Variants in HAT1 observed in about 807,000 individuals in gnomAD.
HAT1 encodes histone acetyltransferase 1.
In HAT1, 20 loss-of-function variants were observed where a neutral mutation model predicts 56.6. The ratio of observed to expected loss-of-function variants is 0.35; its 90% confidence interval spans 0.25 to 0.51. The LOEUF (loss-of-function observed/expected upper bound fraction) is 0.51, where lower values mean the gene tolerates loss of function less well. Among genes scored for constraint, HAT1 ranks in the 20% least tolerant of loss-of-function variants. The pLI is 0.95. For synonymous variants in HAT1, 146 were observed against 165.5 expected, an observed-to-expected ratio of 0.88 and a Z score of 0.91; for missense variants, 408 against 504.3, an observed-to-expected ratio of 0.81 and a Z score of 1.83.
intron 2 of HAT1, among the ~76,000 whole-genome samples, chr2:171,942,124 T>G (rs1361181782): frequency 6.6e-6 from 1 of 152,168 alleles, no homozygotes; most frequent in Non-Finnish European, 1.5e-5. Context: ...AGGCTGGTCT[T>G]GAACTCCTGA....
At chr2:171,929,653 G>A (rs560042765) in intron 2 of HAT1, among the ~76,000 whole-genome samples, 1 of 152,276 alleles carries the variant, frequency 6.6e-6, no homozygotes, top group Non-Finnish European at 1.5e-5. Context: ...TGTCCAATAT[G>A]AGGAAAGGGA....
chr2:171,977,772 CT>C (rs1176270521), intron 9 of HAT1, among the ~76,000 whole-genome samples: 1 of 151,264 alleles, frequency 6.6e-6, no homozygotes, highest in East Asian at 2.0e-4. Flanking sequence ...CTTCTTCCTT[CT>C]GTATTCCTTT....
At chr2:171,925,800 G>A (rs182259075) in intron 2 of HAT1, among the ~76,000 whole-genome samples, 159 bp downstream of exon 2, 78 of 152,270 alleles carry the variant, frequency 5.1e-4, no homozygotes, top group African/African-American at 1.8e-3. Context: ...ATTCAGTTTT[G>A]ATTTATGTCA....
At chr2:171,930,416 C>T (rs921991315) in intron 2 of HAT1, among the ~76,000 whole-genome samples, 8 of 152,112 alleles carry the variant, frequency 5.3e-5, no homozygotes, top group African/African-American at 1.7e-4. Flanking sequence ...GTGATCTGCC[C>T]ACCTAGGCCT....
At chr2:171,979,126 C>T in intron 9 of HAT1, 121 bp from the exon 10 acceptor site, 1 of 636,736 alleles carries the variant, frequency 1.6e-6, no homozygotes, top group East Asian at 2.6e-5. Flanking sequence ...TATTGCCTTT[C>T]CTCTGGTTTC....
chr2:171,939,916 C>T (rs1686977850), intron 2 of HAT1, among the ~76,000 whole-genome samples: 1 of 151,978 alleles, frequency 6.6e-6, no homozygotes, highest in African/African-American at 2.4e-5. Flanking sequence ...GGACTACAGG[C>T]ACATGCCACC....
At chr2:171,940,017 A>G (rs559294217) in intron 2 of HAT1, among the ~76,000 whole-genome samples, 9 of 151,860 alleles carry the variant, frequency 5.9e-5, no homozygotes, top group Admixed American at 1.3e-4. Flanking sequence ...CGATCCTCCC[A>G]CCTCAGCCTC....
chr2:171,970,496 C>CTTTTTTTTTTTTTTTTTTTTTT (rs61462189), intron 8 of HAT1, among the ~76,000 whole-genome samples: 2 of 74,978 alleles, frequency 2.7e-5, no homozygotes, highest in Non-Finnish European at 4.4e-5. Flanking sequence ...AATGCAGTTT[C>CTTTTTTTTTTTTTTTTTTTTTT]TTTTTTTTTT....
At chr2:171,976,112 T>C (rs1687958515) in intron 8 of HAT1, 45 bp from the exon 9 acceptor site, 4 of 1,072,488 alleles carry the variant, frequency 3.7e-6, no homozygotes, top group Middle Eastern at 2.2e-4. Context: ...GAAATTATAT[T>C]GAGTATCAGG....
At chr2:171,944,685 A>G (rs1180429988) in intron 2 of HAT1, among the ~76,000 whole-genome samples, 1 of 152,232 alleles carries the variant, frequency 6.6e-6, no homozygotes, top group Admixed American at 6.5e-5. Context: ...CAGGAGGCAC[A>G]TAATGTTGTT....
intron 4 of HAT1, among the ~76,000 whole-genome samples, chr2:171,955,474 G>A (rs565827232): frequency 6.6e-6 from 1 of 151,944 alleles, no homozygotes; most frequent in South Asian, 2.1e-4. Flanking sequence ...AGCCGGGCGT[G>A]GTGGCAGGCA....
At chr2:171,978,368 C>CTGTA (rs1688042782) in intron 9 of HAT1, among the ~76,000 whole-genome samples, 1 of 152,196 alleles carries the variant, frequency 6.6e-6, no homozygotes, top group Non-Finnish European at 1.5e-5. Flanking sequence ...TTAACTGTCA[C>CTGTA]TGTACTAGCA....
intron 8 of HAT1, among the ~76,000 whole-genome samples, chr2:171,974,196 A>AAAAAAAAAAAAAAAAAAAAAAAAAACAAC (rs1687900192): frequency 1.2e-5 from 1 of 81,260 alleles, no homozygotes; most frequent in Non-Finnish European, 3.0e-5. Flanking sequence ...AAAAAAAGAA[A>AAAAAAAAAAAAAAAAAAAAAAAAAACAAC]AAAAGAAAAA....
intron 9 of HAT1, among the ~76,000 whole-genome samples, chr2:171,977,557 ATT>A (rs1172067451): frequency 0.018 from 292 of 16,022 alleles, 4 homozygotes; most frequent in African/African-American, 0.038. Flanking sequence ...ATATATATAT[ATT>A]TTTTTTTTTT....
At chr2:171,947,237 GAA>G (rs1175498746) in intron 3 of HAT1, among the ~76,000 whole-genome samples, 2 of 152,028 alleles carry the variant, frequency 1.3e-5, no homozygotes, top group Non-Finnish European at 2.9e-5. Flanking sequence ...GCAGTTGAGA[GAA>G]GTTTATTTAT....
chr2:171,983,123 TG>T, intron 10 of HAT1, 61 bp from the exon 11 acceptor site: 1 of 978,780 alleles, frequency 1.0e-6, no homozygotes, highest in Non-Finnish European at 1.5e-6. Context: ...GACTTAAAAT[TG>T]TAAGACTATA....
intron 8 of HAT1, among the ~76,000 whole-genome samples, chr2:171,968,127 G>T (rs1003075511): frequency 6.6e-6 from 1 of 152,202 alleles, no homozygotes; most frequent in Admixed American, 6.5e-5. Flanking sequence ...TGACTTTCCT[G>T]CTACTGTTAA....
intron 2 of HAT1, among the ~76,000 whole-genome samples, chr2:171,935,515 CAAAAAA>C (rs56220004): frequency 5.4e-5 from 3 of 55,650 alleles, no homozygotes; most frequent in African/African-American, 1.4e-4. Flanking sequence ...AACTCCATCT[CAAAAAA>C]AAAAAAAAAA....
In HAT1 at chr2:171,983,326, G is replaced by A; in HGVS notation, c.1234G>A (p.Val412Ile). The change falls in exon 11 of 11, where the codon GTT becomes ATT. Residue 412 changes from valine (V) to isoleucine (I), a missense_variant. Val to Ile is a conservative substitution (Grantham distance 29). Coordinates refer to ENST00000264108, the MANE Select transcript of HAT1 (RefSeq NM_003642.4). ...FQELVEDYRR[V>I]IERLAQE is the part of the protein sequence containing the mutation. ...GGAACTAGTGGAAGATTACCGGCGTGTTATTGAACGACTTGCTCAAGAGTA... is the reference window on the plus strand; with the variant it reads ...GGAACTAGTGGAAGATTACCGGCGTATTATTGAACGACTTGCTCAAGAGTA... 1 of 1,608,124 alleles carries A rather than the reference G, an allele frequency of 6.2e-7. No homozygotes were observed. Among genetic ancestry groups the A allele is most frequent in the Non-Finnish European group, 8.5e-7 (1 of 1,176,526 alleles).
Sources: gnomAD v4.1 joint callset for allele counts (sites outside exome capture counted in the v4.1 genomes callset) on GRCh38, gnomAD v4.1.1 for gene constraint, MANE v1.5 for transcripts, NCBI Gene and HGNC (gene_info 2026-07-23, HGNC 2026-07-21) for gene names.